Variants in SCN8A observed in about 807,000 individuals in gnomAD.
SCN8A encodes the protein sodium channel protein type 8 subunit alpha.
A neutral mutation model predicts 184.1 loss-of-function variants in SCN8A; 30 were observed. The observed-to-expected ratio is 0.16, with a 90% CI of 0.12 to 0.22. The LOEUF (loss-of-function observed/expected upper bound fraction) is 0.22, where lower values mean the gene tolerates loss of function less well. Among genes scored for constraint, SCN8A ranks in the 10% least tolerant of loss-of-function variants. The probability of loss-of-function intolerance (pLI) is 1.00; values close to 1 mark genes in which losing one functional copy is unlikely to be tolerated. For synonymous variants in SCN8A, 852 were observed against 907.0 expected, an observed-to-expected ratio of 0.94 and a Z score of 1.09; for missense variants, 1,057 against 2,498.9, an observed-to-expected ratio of 0.42 and a Z score of 12.30.
chr12:51,675,568 G>A (rs1332112839), intron 2 of SCN8A, among the ~76,000 whole-genome samples: 5 of 152,256 alleles, frequency 3.3e-5, no homozygotes, highest in South Asian at 4.1e-4. Flanking sequence ...AAAGAGTTTA[G>A]AACTAGAAGC....
In SCN8A at chr12:51,808,352, C is replaced by T. The variant is rs1287883724; in HGVS notation, c.*923C>T. The T allele has an allele frequency of 6.6e-6, 1 of 152,488 alleles. No individual in the cohort carries two copies. Among genetic ancestry groups the T allele is most frequent in the East Asian group, 1.9e-4 (1 of 5,188 alleles). 9.4% of individuals were successfully genotyped at this position (152,488 alleles called of 1,614,324 possible). A position where few individuals can be genotyped will look rare whatever the true frequency, so the allele number is the denominator to read the frequency against. On this transcript the variant is annotated 3_prime_UTR_variant, in exon 27 of 27. Transcript: ENST00000627620. The stretch of plus-strand genomic sequence containing the variant: ...ACCCAATCCAACAAGCAGATGGATC[C>T]GTTGCGTGTATATGTTTAACAGACA...
At chr12:51,681,635 G>A (rs1395389225) in intron 2 of SCN8A, among the ~76,000 whole-genome samples, 1 of 152,082 alleles carries the variant, frequency 6.6e-6, no homozygotes, top group Non-Finnish European at 1.5e-5. Flanking sequence ...GGCTTTTTCT[G>A]CAGCATATCC....
intron 10 of SCN8A, 142 bp from the exon 11 acceptor site, chr12:51,706,278 GAA>G: frequency 1.4e-6 from 1 of 702,252 alleles, no homozygotes; most frequent in South Asian, 3.7e-5. Context: ...AGAATACACA[GAA>G]ACCCTCTAAC....
In SCN8A at chr12:51,696,945, A is replaced by T. The variant is rs1046665845; in HGVS notation, c.707-2625A>T. On this transcript the variant is annotated intron_variant, in intron 6 of 26. Coordinates refer to ENST00000627620, the MANE Select transcript of SCN8A (RefSeq NM_001330260.2). ...TCCCAGTTACTCTAGAGGCTGAGGC[A>T]GGAGAATCGCTTGAACCCAGAAGAC... Among the ~76,000 whole-genome samples the T allele has an allele frequency of 2.0e-5, 3 of 150,942 alleles. No individual in the cohort carries two copies. The Admixed American group carries it at 2.0e-4, about 10-fold the overall frequency.
chr12:51,808,994 T>C lies in SCN8A; in HGVS notation c.*1565T>C, dbSNP rs1938804547. The C allele has an allele frequency of 6.6e-6, 1 of 152,198 alleles. No individual in the cohort carries two copies. The highest frequency in any genetic ancestry group is 2.4e-5 in the African/African-American group (1 of 41,442). 9.4% of individuals were successfully genotyped at this position (152,198 alleles called of 1,614,324 possible). On this transcript the variant is annotated 3_prime_UTR_variant, in exon 27 of 27. Coordinates refer to ENST00000627620, the MANE Select transcript of SCN8A (RefSeq NM_001330260.2). ...GGAGCCGCCTCTGAACCAAGCCCAC[T>C]TGGTTTCTTTACTGCACTGGTTTTC...
chr12:51,727,012 G>C (rs1229988973), intron 12 of SCN8A, among the ~76,000 whole-genome samples: 1 of 152,222 alleles, frequency 6.6e-6, no homozygotes, highest in African/African-American at 2.4e-5. Context: ...GTCCAGTTAT[G>C]TATTTCCATG....
intron 25 of SCN8A, 91 bp from the exon 26 acceptor site, chr12:51,794,280 G>T: frequency 7.8e-7 from 1 of 1,289,920 alleles, no homozygotes; most frequent in Non-Finnish European, 1.1e-6. Flanking sequence ...AGGAGGGAGA[G>T]GGTACCTCGA....
Position 51,721,711 on chromosome 12 carries a change from C to T in SCN8A, c.1801C>T (p.Leu601Phe), listed in dbSNP as rs1374989397. Reference sequence around the variant, plus strand: ...GGAGAGCGAGGGCCGCCGGGACTCCCTCTTCATCCCCATCCGGGCCCGCGA... The same window carrying T: ...GGAGAGCGAGGGCCGCCGGGACTCCTTCTTCATCCCCATCCGGGCCCGCGA... ...VEESEGRRDS[L>F]FIPIRARERR... Residue 601 changes from leucine to phenylalanine, a missense_variant, in exon 12 of 27, where the codon CTC (leucine) becomes TTC (phenylalanine). By Grantham distance (22) the Leu-to-Phe change is conservative. Transcript: ENST00000627620. The T allele has an allele frequency of 1.7e-5, 27 of 1,591,580 alleles. No individual in the cohort carries two copies. The highest frequency in any genetic ancestry group is 2.3e-5 in the Non-Finnish European group (27 of 1,169,196).
chr12:51,639,305 A>G (rs1940390133), intron 1 of SCN8A, among the ~76,000 whole-genome samples: 1 of 152,244 alleles, frequency 6.6e-6, no homozygotes, highest in African/African-American at 2.4e-5. Context: ...CTCCTGGTGA[A>G]GATGCTGTGA....
intron 1 of SCN8A, among the ~76,000 whole-genome samples, chr12:51,660,920 G>T (rs1265857239): frequency 6.6e-6 from 1 of 152,104 alleles, no homozygotes; most frequent in African/African-American, 2.4e-5. Flanking sequence ...AGGATGGGTA[G>T]GAGAAGAATG....
At chr12:51,664,683 C>G (rs1239932380) in intron 2 of SCN8A, among the ~76,000 whole-genome samples, 1 of 152,074 alleles carries the variant, frequency 6.6e-6, no homozygotes, top group Non-Finnish European at 1.5e-5. Context: ...ATTAATTTCT[C>G]ATTTTCTTTT....
At chr12:51,667,680 T>G in intron 2 of SCN8A, among the ~76,000 whole-genome samples, 1 of 152,192 alleles carries the variant, frequency 6.6e-6, no homozygotes, top group East Asian at 1.9e-4. Context: ...AATGACTATC[T>G]TAAGTAGGCA....
chr12:51,775,329 A>T (rs1211486907), intron 20 of SCN8A, among the ~76,000 whole-genome samples: 3 of 152,246 alleles, frequency 2.0e-5, no homozygotes, highest in Non-Finnish European at 4.4e-5. Context: ...ATAGAGCAGC[A>T]TAGAAATCTC....
Position 51,807,638 on chromosome 12 carries a change from T to A in SCN8A, c.*209T>A. On this transcript the variant is annotated 3_prime_UTR_variant, in exon 27 of 27. Transcript: ENST00000627620. This position sits in a 1 kb window ranked among gnomAD's most constrained non-coding sequence, Gnocchi z 4.5. Reference sequence around the variant, plus strand: ...GGACCCCGCTCCCTAGACTTACAGATTTTCTAATGCTTGGGCAGGTGGTTA... The same window carrying A: ...GGACCCCGCTCCCTAGACTTACAGAATTTCTAATGCTTGGGCAGGTGGTTA... 2 of 604,596 alleles carry A rather than the reference T, an allele frequency of 3.3e-6. No homozygotes were observed. Among genetic ancestry groups the A allele is most frequent in the South Asian group, 4.1e-5 (2 of 48,810 alleles). The allele number at this position is 604,596 out of a possible 1,614,324, so 37.5% of individuals were successfully genotyped here.
intron 1 of SCN8A, among the ~76,000 whole-genome samples, chr12:51,649,766 T>C (rs950979106): frequency 9.9e-5 from 15 of 152,198 alleles, no homozygotes; most frequent in African/African-American, 3.4e-4. Flanking sequence ...GGGGCTGCTA[T>C]GAAGAACTCT....
chr12:51,644,581 G>A (rs1444300232), intron 1 of SCN8A, among the ~76,000 whole-genome samples: 5 of 152,128 alleles, frequency 3.3e-5, no homozygotes, highest in Non-Finnish European at 7.4e-5. Flanking sequence ...ATCTCGGCTC[G>A]CTACAACCTC....
chr12:51,670,382 C>G (rs757473616), intron 2 of SCN8A, among the ~76,000 whole-genome samples: 3 of 152,156 alleles, frequency 2.0e-5, no homozygotes, highest in Non-Finnish European at 4.4e-5. Flanking sequence ...TAAGATTATG[C>G]TAACAGCTAA....
rs142325271 is a variant in SCN8A, at chr12:51,757,419, T to C, written c.2371-5084T>C. Among the ~76,000 whole-genome samples the C allele has an allele frequency of 1.1e-4, 17 of 152,324 alleles. No individual in the cohort carries two copies. In the East Asian group the frequency reaches 3.1e-3, roughly 28 times the overall value. ...TGCAGAACAGGAGCTGACAAGCCCT[T>C]TTCTGAGCACAAAGAGAGGAGCATG... On this transcript the variant is annotated intron_variant, in intron 14 of 26. Coordinates refer to ENST00000627620, the MANE Select transcript of SCN8A (RefSeq NM_001330260.2).
At chr12:51,713,593 G>A (rs939597883) in intron 11 of SCN8A, 5 of 663,146 alleles carry the variant, frequency 7.5e-6, no homozygotes, top group African/African-American at 7.2e-5. Context: ...ACCAGGCGGT[G>A]GTTTTACCTC....
Sources: allele counts gnomAD v4.1 joint callset (sites outside exome capture counted in the v4.1 genomes callset), GRCh38; gene constraint gnomAD v4.1.1; non-coding constraint Gnocchi (gnomAD v3.1); transcripts MANE v1.5; gene names NCBI Gene and HGNC (gene_info 2026-07-23, HGNC 2026-07-21).